The following TMEM266 variants were observed in gnomAD, a reference collection of about 807,000 sequenced individuals.
TMEM266 encodes the protein transmembrane protein 266, also known as Hv1 related protein 1.
TMEM266 carries 33 observed loss-of-function variants against 50.5 expected under a neutral mutation model. The ratio of observed to expected loss-of-function variants is 0.65; its 90% CI spans 0.50 to 0.87. TMEM266 has a LOEUF of 0.87. TMEM266 is among the 40% of genes least tolerant of loss of function. The pLI is 0.00. For synonymous variants in TMEM266, 310 were observed against 292.3 expected (o/e 1.06, Z -0.62); for missense variants, 655 against 695.1 (o/e 0.94, Z 0.65).
At chr15:76,081,111 C>T (rs1421669026) in intron 1 of TMEM266, among the ~76,000 whole-genome samples, 1 of 152,198 alleles carries the variant, frequency 6.6e-6, no homozygotes, top group Non-Finnish European at 1.5e-5. Flanking sequence ...TAACAGCTGC[C>T]TCACCTATAA....
At chr15:76,186,285 C>T (rs552361354) in intron 8 of TMEM266, among the ~76,000 whole-genome samples, 2 of 152,314 alleles carry the variant, frequency 1.3e-5, no homozygotes, top group African/African-American at 4.8e-5. Context: ...GCCCCAATGT[C>T]CTAGGGCCCC....
chr15:76,173,587 AAC>A (rs2038220056), intron 7 of TMEM266, among the ~76,000 whole-genome samples: 1 of 152,182 alleles, frequency 6.6e-6, no homozygotes, highest in Admixed American at 6.5e-5. Flanking sequence ...TCATCTGAGT[AAC>A]AGAGACTCAG....
intron 1 of TMEM266, among the ~76,000 whole-genome samples, chr15:76,097,807 A>T (rs1275548817): frequency 6.6e-6 from 1 of 151,652 alleles, no homozygotes; most frequent in Non-Finnish European, 1.5e-5. Flanking sequence ...ATTCCTTTTT[A>T]TTCTTTTTTC....
At chr15:76,145,199 A>G (rs560431179) in intron 3 of TMEM266, among the ~76,000 whole-genome samples, 88 of 152,222 alleles carry the variant, frequency 5.8e-4, no homozygotes, top group African/African-American at 2.0e-3. Flanking sequence ...ACTTCATCCC[A>G]TGGCTTCTGA....
At chr15:76,142,284 G>A (rs935611429) in intron 3 of TMEM266, among the ~76,000 whole-genome samples, 1 of 152,224 alleles carries the variant, frequency 6.6e-6, no homozygotes, top group Middle Eastern at 3.2e-3. Flanking sequence ...TGCTACTTGG[G>A]AGGCTGAGGC....
intron 3 of TMEM266, among the ~76,000 whole-genome samples, chr15:76,140,232 G>A (rs374051795): frequency 1.6e-3 from 246 of 152,336 alleles, no homozygotes; most frequent in Middle Eastern, 6.8e-3. Flanking sequence ...GCGCCGATTG[G>A]CAGCCAGAGG....
chr15:76,189,675 C>T (rs562995341), intron 8 of TMEM266, among the ~76,000 whole-genome samples: 1 of 152,286 alleles, frequency 6.6e-6, no homozygotes, highest in South Asian at 2.1e-4. Flanking sequence ...CCAAGACACC[C>T]TCCCAAATCC....
chr15:76,188,642 G>C (rs1343596027), intron 8 of TMEM266, among the ~76,000 whole-genome samples: 1 of 152,076 alleles, frequency 6.6e-6, no homozygotes, highest in African/African-American at 2.4e-5. Flanking sequence ...ATCAGATCTT[G>C]TGAGAATTCA....
At chr15:76,137,317 C>T (rs1161460479) in intron 2 of TMEM266, among the ~76,000 whole-genome samples, 3 of 152,132 alleles carry the variant, frequency 2.0e-5, no homozygotes, top group African/African-American at 7.2e-5. Flanking sequence ...ACTCAGGAGA[C>T]AACTTAAAAG....
chr15:76,178,937 G>A (rs2038347146), intron 8 of TMEM266, among the ~76,000 whole-genome samples: 1 of 152,210 alleles, frequency 6.6e-6, no homozygotes, highest in Admixed American at 6.5e-5. Context: ...GGGACCAGGA[G>A]GGCAGCTCTC....
At position 76,101,832 on chromosome 15, in the gene TMEM266, G is replaced by A. The variant is rs559033986; in HGVS notation, c.-96-32336G>A. Among the ~76,000 whole-genome samples, 43 of 152,374 alleles carry A rather than the reference G, an allele frequency of 2.8e-4. 1 individual carries two copies. The highest frequency in any genetic ancestry group is 1.0e-3 in the African/African-American group (42 of 41,590). ...GTCATTTCCCCACGCCTGGCCAGCT[G>A]CCAACACAGGTTGGGGGTAGATGCT... On this transcript the variant is annotated intron_variant, in intron 1 of 10. Transcript: ENST00000388942.
At chr15:76,103,933 G>T (rs2037041901) in intron 1 of TMEM266, among the ~76,000 whole-genome samples, 1 of 151,036 alleles carries the variant, frequency 6.6e-6, no homozygotes, top group South Asian at 2.1e-4. Context: ...AAATGCCAGG[G>T]GCAGTGGCTC....
chr15:76,098,997 G>A (rs1466663894), intron 1 of TMEM266, among the ~76,000 whole-genome samples: 1 of 152,152 alleles, frequency 6.6e-6, no homozygotes, highest in Non-Finnish European at 1.5e-5. Flanking sequence ...TCAAACTAGT[G>A]GATCTTACTT....
chr15:76,128,609 G>A (rs1390453878), intron 1 of TMEM266, among the ~76,000 whole-genome samples: 1 of 152,200 alleles, frequency 6.6e-6, no homozygotes, highest in African/African-American at 2.4e-5. Flanking sequence ...CTTGTGTTTT[G>A]AGGGTTATTT....
chr15:76,142,998 A>T (rs762850968), intron 3 of TMEM266, among the ~76,000 whole-genome samples: 1 of 152,112 alleles, frequency 6.6e-6, no homozygotes, highest in African/African-American at 2.4e-5. Flanking sequence ...GTCTGCCTCA[A>T]GTCTCCTCTT....
At chr15:76,199,043 C>G (rs1055371569) in intron 9 of TMEM266, among the ~76,000 whole-genome samples, 1 of 145,914 alleles carries the variant, frequency 6.9e-6, no homozygotes, top group Non-Finnish European at 1.5e-5. Context: ...TTCATTGAAC[C>G]CACAGGCAGG....
At chr15:76,084,865 T>G (rs961122947) in intron 1 of TMEM266, among the ~76,000 whole-genome samples, 1 of 152,028 alleles carries the variant, frequency 6.6e-6, no homozygotes, top group Non-Finnish European at 1.5e-5. Flanking sequence ...CCTCCGAAAG[T>G]GCTGGGCAAG....
chr15:76,075,981 C>T (rs748533555), intron 1 of TMEM266, among the ~76,000 whole-genome samples: 3 of 150,634 alleles, frequency 2.0e-5, no homozygotes, highest in African/African-American at 2.5e-5. Context: ...CTCAACCCCC[C>T]GAGTAGCTGG....
chr15:76,203,799 C>G lies in TMEM266; in HGVS notation c.1080C>G (p.His360Gln). 6.2e-7 allele frequency: 1 copy of G among 1,614,220 alleles called. No homozygotes were observed. The highest frequency in any genetic ancestry group is 8.5e-7 in the Non-Finnish European group (1 of 1,180,020). ...TCACCACGGCCGCAATAGACATTCACCAGCCCAACATCTCCTCGGACCTCT... is the reference window on the plus strand; with the variant it reads ...TCACCACGGCCGCAATAGACATTCAGCAGCCCAACATCTCCTCGGACCTCT... Residue 360 changes from histidine (H) to glutamine (Q), a missense_variant, in exon 11 of 11, where the codon CAC becomes CAG. Physicochemically the swap from His to Gln is conservative, Grantham distance 24. Transcript: ENST00000388942.
Sources: allele counts gnomAD v4.1 joint callset (sites outside exome capture counted in the v4.1 genomes callset), GRCh38; gene constraint gnomAD v4.1.1; transcripts MANE v1.5; gene names NCBI Gene and HGNC (gene_info 2026-07-23, HGNC 2026-07-21).